The following APEX1 variants were observed in gnomAD, a reference collection of about 807,000 sequenced individuals.
APEX1 encodes the protein DNA repair nuclease/redox regulator APEX1.
In APEX1, 32 loss-of-function variants were observed where a neutral mutation model predicts 33.2. That is an observed-to-expected ratio of 0.96 (90% CI 0.73 to 1.29). The LOEUF is 1.29. APEX1 is among the 50% of genes most tolerant of loss of function. The pLI is 0.00. For missense variants in APEX1, 442 were observed against 395.6 expected, an observed-to-expected ratio of 1.12 and a Z score of -0.99; for synonymous variants, 175 against 156.6, an observed-to-expected ratio of 1.12 and a Z score of -0.88.
At chr14:20,455,452 T>G (rs1166708298) in intron 1 of APEX1, 58 bp downstream of exon 1, 1 of 854,922 alleles carries the variant, frequency 1.2e-6, no homozygotes, top group Admixed American at 2.2e-5. Flanking sequence ...GGGCCTATGA[T>G]GCACGGAGGC....
intron 4 of APEX1, 38 bp downstream of exon 4, chr14:20,456,898 A>C: frequency 6.2e-7 from 1 of 1,607,898 alleles, no homozygotes; most frequent in Non-Finnish European, 8.5e-7. Flanking sequence ...GAACTCTTCA[A>C]AACCAATTGC....
rs1355202471 is a variant in APEX1, at chr14:20,456,614, A to G, written c.247-54A>G. On this transcript the variant is annotated intron_variant, in intron 3 of 4. Transcript: ENST00000216714. ...TATGACTTAGCATATAGATTATTCAATAAATGTTCTGCTGAATTGATAATA... is the reference window on the plus strand; with the variant it reads ...TATGACTTAGCATATAGATTATTCAGTAAATGTTCTGCTGAATTGATAATA... The G allele has an allele frequency of 2.5e-5, 38 of 1,541,976 alleles. No homozygotes were observed. In the Admixed American group the frequency reaches 4.8e-4, roughly 20 times the overall value.
intron 1 of APEX1, 37 bp from the exon 2 acceptor site, chr14:20,455,541 A>G: frequency 1.3e-6 from 2 of 1,592,372 alleles, no homozygotes; most frequent in South Asian, 2.2e-5. Flanking sequence ...TCTTCTCCCC[A>G]GCCTTAGCTG....
chr14:20,457,645 A>ATC lies in APEX1; in HGVS notation c.*137_*138insTC, dbSNP rs1491462675. On this transcript the variant is annotated 3_prime_UTR_variant, in exon 5 of 5. Transcript: ENST00000216714. ...AATCCTCCAACCAGGCTCCTGTGAT[A>ATC]GAGTTCTTTTAAGCCCAAGATTTTT... 3.1e-6 allele frequency: 4 copies of ATC among 1,295,378 alleles called. No homozygotes were observed. In the African/African-American group the frequency reaches 5.9e-5, roughly 19 times the overall value. The allele number at this position is 1,295,378 out of a possible 1,614,324, so 80.2% of individuals were successfully genotyped here.
rs997990399 is a variant in APEX1, at chr14:20,457,271, C to T, written c.720C>T (p.Phe240=). Residue 240 remains phenylalanine, a synonymous_variant, in exon 5 of 5, where the codon TTC becomes TTT. Transcript: ENST00000216714. ...AGFTPQERQG[F]GELLQAVPLA... ...TCACGCCACAAGAGCGCCAAGGCTTCGGGGAATTACTGCAGGCTGTGCCAC... is the reference window on the plus strand; with the variant it reads ...TCACGCCACAAGAGCGCCAAGGCTTTGGGGAATTACTGCAGGCTGTGCCAC... The T allele has an allele frequency of 3.7e-6, 6 of 1,614,108 alleles. No individual in the cohort carries two copies. Among genetic ancestry groups the T allele is most frequent in the South Asian group, 2.2e-5 (2 of 91,088 alleles).
Position 20,457,398 on chromosome 14 carries a change from G to C in APEX1, c.847G>C (p.Asp283His), listed in dbSNP as rs1453612380. The change falls in exon 5 of 5, where the codon GAT becomes CAT. Residue 283 changes from aspartate (D) to histidine (H), a missense_variant. Transcript: ENST00000216714. The part of the protein sequence containing the change: ...ARSKNVGWRL[D>H]YFLLSHSLLP... ...ATCCAAGAATGTTGGTTGGCGCCTTGATTACTTTTTGTTGTCCCACTCTCT... is the reference window on the plus strand; with the variant it reads ...ATCCAAGAATGTTGGTTGGCGCCTTCATTACTTTTTGTTGTCCCACTCTCT... The C allele has an allele frequency of 6.2e-7, 1 of 1,614,068 alleles. No homozygotes were observed. Among genetic ancestry groups the C allele is most frequent in the Admixed American group, 1.7e-5 (1 of 60,010 alleles).
In APEX1 at chr14:20,457,511, C is replaced by T. The variant is rs774168347; in HGVS notation, c.*3C>T. Reference sequence around the variant, plus strand: ...TCACCCTATACCTAGCACTGTGACACCACCCCTAAATCACTTTGAGCCTGG... The same window carrying T: ...TCACCCTATACCTAGCACTGTGACATCACCCCTAAATCACTTTGAGCCTGG... On this transcript the variant is annotated 3_prime_UTR_variant, in exon 5 of 5. Coordinates refer to ENST00000216714, the MANE Select transcript of APEX1 (RefSeq NM_001641.4). 1.9e-5 allele frequency: 30 copies of T among 1,613,484 alleles called. No individual in the cohort carries two copies. Among genetic ancestry groups the T allele is most frequent in the Admixed American group, 1.7e-4 (10 of 60,004 alleles).
At position 20,455,997 on chromosome 14, in the gene APEX1, C is replaced by A; in HGVS notation, c.142C>A (p.Pro48Thr). 2 of 1,614,110 alleles carry A rather than the reference C, an allele frequency of 1.2e-6. No individual in the cohort carries two copies. Among genetic ancestry groups the A allele is most frequent in the East Asian group, 2.2e-5 (1 of 44,886 alleles). The change falls in exon 3 of 5, where the codon CCC becomes ACC. Residue 48 changes from proline to threonine, a missense_variant. Physicochemically the swap from Pro to Thr is conservative, Grantham distance 38. Coordinates refer to ENST00000216714, the MANE Select transcript of APEX1 (RefSeq NM_001641.4). ...AGAGGGCCCAGCCCTGTATGAGGACCCCCCAGATCAGAAAACCTCACCCAG... is the reference window on the plus strand; with the variant it reads ...AGAGGGCCCAGCCCTGTATGAGGACACCCCAGATCAGAAAACCTCACCCAG... ...AGEGPALYEDPPDQKTSPSGK... is the reference protein window; with the variant it reads ...AGEGPALYEDTPDQKTSPSGK...
At position 20,457,105 on chromosome 14, in the gene APEX1, G is replaced by C. The variant is rs750459021; in HGVS notation, c.554G>C (p.Arg185Pro). The C allele has an allele frequency of 1.4e-5, 23 of 1,614,026 alleles. No homozygotes were observed. Among genetic ancestry groups the C allele is most frequent in the Non-Finnish European group, 1.9e-5 (23 of 1,180,034 alleles). Residue 185 changes from arginine (R) to proline (P), a missense_variant, in exon 5 of 5, where the codon CGG becomes CCG. Physicochemically the swap from Arg to Pro is moderately radical, Grantham distance 103. Transcript: ENST00000216714. ...AGRGLVRLEYRQRWDEAFRKF... is the reference protein window; with the variant it reads ...AGRGLVRLEYPQRWDEAFRKF... ...CGAGGTCTGGTACGACTGGAGTACCGGCAGCGCTGGGATGAAGCCTTTCGC... is the reference window on the plus strand; with the variant it reads ...CGAGGTCTGGTACGACTGGAGTACCCGCAGCGCTGGGATGAAGCCTTTCGC...
In APEX1 at chr14:20,455,922, G is replaced by A; in HGVS notation, c.67G>A (p.Ala23Thr). The A allele has an allele frequency of 6.2e-7, 1 of 1,614,128 alleles. No homozygotes were observed. Among genetic ancestry groups the A allele is most frequent in the East Asian group, 2.2e-5 (1 of 44,878 alleles). Residue 23 changes from alanine (A) to threonine (T), a missense_variant, in exon 3 of 5, where the codon GCC (alanine) becomes ACC (threonine). Physicochemically the swap from Ala to Thr is moderately conservative, Grantham distance 58. Transcript: ENST00000216714. The part of the protein sequence containing the change: ...DGDELRTEPE[A>T]KKSKTAAKKN... The stretch of plus-strand genomic sequence containing the variant: ...TATTACTCATTTTATAGAGCCAGAG[G>A]CCAAGAAGAGTAAGACGGCCGCAAA...
Position 20,456,805 on chromosome 14 carries a change from C to G in APEX1, c.384C>G (p.Tyr128Ter). The part of the protein sequence containing the change: ...YWSAPSDKEG[Y>*]SGVGLLSRQC... ...CAGCTCCTTCGGACAAGGAAGGGTA[C>G]AGTGGCGTGGGCCTGCTTTCCCGCC... Residue 128 changes from tyrosine to a stop codon, truncating the protein, a stop_gained, in exon 4 of 5, where the codon TAC (tyrosine) becomes TAG (stop). Transcript: ENST00000216714. LOFTEE classifies it high-confidence loss of function. 6.2e-7 allele frequency: 1 copy of G among 1,614,226 alleles called. No homozygotes were observed. The highest frequency in any genetic ancestry group is 8.5e-7 in the Non-Finnish European group (1 of 1,180,046).
intron 2 of APEX1, 45 bp downstream of exon 2, chr14:20,455,748 G>T: frequency 6.2e-7 from 1 of 1,614,106 alleles, no homozygotes; most frequent in South Asian, 1.1e-5. Context: ...CTGCGGCGGG[G>T]GTGTTTGTCA....
At chr14:20,456,206 TGCCCGTA>T in intron 3 of APEX1, 105 bp downstream of exon 3, 1 of 1,332,224 alleles carries the variant, frequency 7.5e-7, no homozygotes, top group South Asian at 1.2e-5. Flanking sequence ...ATTTTTCTCC[TGCCCGTA>T]GTTTTCTGTG....
Position 20,457,024 on chromosome 14 carries a change from T to G in APEX1, c.473T>G (p.Ile158Ser), listed in dbSNP as rs760996326. The G allele has an allele frequency of 6.2e-7, 1 of 1,614,058 alleles. No individual in the cohort carries two copies. The highest frequency in any genetic ancestry group is 8.5e-7 in the Non-Finnish European group (1 of 1,180,028). Residue 158 changes from isoleucine to serine, a missense_variant, in exon 5 of 5, where the codon ATT becomes AGT. By Grantham distance (142) the Ile-to-Ser change is moderately radical. Transcript: ENST00000216714. ...DEEHDQEGRV[I>S]VAEFDSFVLV... Reference sequence around the variant, plus strand: ...GAGCATGATCAGGAAGGCCGGGTGATTGTGGCTGAATTTGACTCGTTTGTG... The same window carrying G: ...GAGCATGATCAGGAAGGCCGGGTGAGTGTGGCTGAATTTGACTCGTTTGTG...
intron 3 of APEX1, 65 bp downstream of exon 3, chr14:20,456,166 C>G: frequency 6.4e-7 from 1 of 1,566,002 alleles, no homozygotes; most frequent in Non-Finnish European, 8.8e-7. Context: ...TTAGTCACCC[C>G]TTTTCTCCGT....
At position 20,455,398 on chromosome 14, in the gene APEX1, C is replaced by CA. The variant is rs1881269696; in HGVS notation, c.-69+6dup. ...GAGGGCAGATCTCGCGAGTAGGGTA[C>CA]AAGGCACTATGAAATGATCTAGTTT... On this transcript the variant is annotated splice_donor_region_variant and intron_variant, in intron 1 of 4. Coordinates refer to ENST00000216714, the MANE Select transcript of APEX1 (RefSeq NM_001641.4). 1.6e-6 allele frequency: 1 copy of CA among 608,788 alleles called. No homozygotes were observed. The highest frequency in any genetic ancestry group is 2.9e-6 in the Non-Finnish European group (1 of 344,968). 37.7% of individuals were successfully genotyped at this position (608,788 alleles called of 1,614,324 possible). A position where few individuals can be genotyped will look rare whatever the true frequency, so the allele number is the denominator to read the frequency against.
rs756198414 is a variant in APEX1, at chr14:20,456,841, C to G, written c.420C>G (p.Leu140=). The stretch of plus-strand genomic sequence containing the variant: ...GCCTGCTTTCCCGCCAGTGCCCACT[C>G]AAAGTTTCTTACGGCATAGGTGAGA... ...GVGLLSRQCP[L]KVSYGIGDEE... is the part of the protein sequence containing the mutation. The change falls in exon 4 of 5, where the codon CTC becomes CTG. Residue 140 remains leucine, a synonymous_variant. Transcript: ENST00000216714. The G allele has an allele frequency of 2.5e-6, 4 of 1,614,070 alleles. No individual in the cohort carries two copies. Among genetic ancestry groups the G allele is most frequent in the Non-Finnish European group, 2.5e-6 (3 of 1,179,988 alleles).
intron 3 of APEX1, 129 bp downstream of exon 3, chr14:20,456,230 C>T: frequency 9.5e-7 from 1 of 1,057,198 alleles, no homozygotes; most frequent in Non-Finnish European, 1.4e-6. Context: ...TGTGGGGCTT[C>T]CCCAGTCTTG....
chr14:20,455,852 T>G, intron 2 of APEX1, 62 bp from the exon 3 acceptor site: 3 of 1,613,670 alleles, frequency 1.9e-6, no homozygotes, highest in Non-Finnish European at 1.7e-6. Flanking sequence ...GGTCTATAGT[T>G]AACGCCGGAT....
Sources: allele counts gnomAD v4.1 joint callset, GRCh38; gene constraint gnomAD v4.1.1; transcripts MANE v1.5; gene names NCBI Gene and HGNC (gene_info 2026-07-23, HGNC 2026-07-21).